The following FAM185A variants were observed in gnomAD, a reference collection of about 807,000 sequenced individuals.
FAM185A encodes the protein protein FAM185A.
FAM185A carries 21 observed loss-of-function variants against 45.7 expected under a neutral mutation model. That is an observed-to-expected ratio of 0.46 (90% CI 0.33 to 0.66). The LOEUF (loss-of-function observed/expected upper bound fraction) is 0.66. FAM185A is among the 30% of genes least tolerant of loss of function. FAM185A has a pLI of 0.03. For missense variants in FAM185A, 305 were observed against 485.4 expected, an observed-to-expected ratio of 0.63 and a Z score of 3.49; for synonymous variants, 117 against 194.0, an observed-to-expected ratio of 0.60 and a Z score of 3.30.
At chr7:102,835,650 C>A in the FAM185A span, among the ~76,000 whole-genome samples, 1 of 112,228 alleles carries the variant, frequency 8.9e-6, no homozygotes, top group Non-Finnish European at 1.6e-5. Flanking sequence ...CGCTCTGTCG[C>A]CCAGGCTGGA....
In FAM185A at chr7:102,758,409, G is replaced by A. The variant is rs187406024; in HGVS notation, c.654+463G>A. Among the ~76,000 whole-genome samples the A allele has an allele frequency of 2.9e-3, 350 of 122,346 alleles. 2 individuals carry two copies. The highest frequency in any genetic ancestry group is 4.2e-3 in the Non-Finnish European group (258 of 61,532). The allele number at this position is 122,346 out of a possible 152,430, so 80.3% of individuals were successfully genotyped here. A position where few individuals can be genotyped will look rare whatever the true frequency, so the allele number is the denominator to read the frequency against. On this transcript the variant is annotated intron_variant, in intron 3 of 7. Coordinates refer to ENST00000413034, the MANE Select transcript of FAM185A (RefSeq NM_001145268.2). Reference sequence around the variant, plus strand: ...TTCCACAAGGTGGCACCATTAGATAGCTTTACTGCTCTCACAGCTTTTTTT... The same window carrying A: ...TTCCACAAGGTGGCACCATTAGATAACTTTACTGCTCTCACAGCTTTTTTT...
intron 5 of FAM185A, among the ~76,000 whole-genome samples, chr7:102,775,912 G>A (rs1029893251): frequency 6.6e-6 from 1 of 151,964 alleles, no homozygotes; most frequent in African/African-American, 2.4e-5. Flanking sequence ...ATTTCCCAAC[G>A]TCAGTGTTAA....
intron 7 of FAM185A, among the ~76,000 whole-genome samples, chr7:102,797,228 C>T (rs1238528585): frequency 3.9e-5 from 6 of 152,268 alleles, no homozygotes; most frequent in African/African-American, 7.2e-5. Flanking sequence ...TTTGGGAGGC[C>T]GAGGCGGGCA....
At chr7:102,787,755 A>T (rs956779708) in intron 7 of FAM185A, among the ~76,000 whole-genome samples, 2 of 152,248 alleles carry the variant, frequency 1.3e-5, no homozygotes, top group East Asian at 1.9e-4. Flanking sequence ...GAACTTAAAA[A>T]TAAACTGAAT....
intron 7 of FAM185A, 105 bp downstream of exon 7, chr7:102,787,574 T>C: frequency 8.2e-7 from 1 of 1,225,240 alleles, no homozygotes; most frequent in East Asian, 2.9e-5. Context: ...TATTTTTCCA[T>C]TATTACGTCC....
chr7:102,823,531 T>G, the FAM185A span, among the ~76,000 whole-genome samples: 3 of 152,330 alleles, frequency 2.0e-5, no homozygotes, highest in African/African-American at 7.2e-5. Flanking sequence ...TATCACAGTT[T>G]TGCCCAGATG....
At chr7:102,815,142 A>G in the FAM185A span, among the ~76,000 whole-genome samples, 1 of 152,146 alleles carries the variant, frequency 6.6e-6, no homozygotes, top group East Asian at 1.9e-4. Context: ...CTATCAGTCT[A>G]AACATTATCC....
intron 5 of FAM185A, among the ~76,000 whole-genome samples, chr7:102,776,879 T>C (rs1795105207): frequency 6.6e-6 from 1 of 151,852 alleles, no homozygotes; most frequent in African/African-American, 2.4e-5. Flanking sequence ...TAGAATTCTT[T>C]GGTAATTATT....
chr7:102,834,822 G>A, the FAM185A span: 2 of 151,440 alleles, frequency 1.3e-5, no homozygotes, highest in Non-Finnish European at 2.9e-5. Context: ...ACCATAAAAA[G>A]TATCATAAGT....
At chr7:102,811,200 A>T (rs1006050205), downstream of FAM185A, among the ~76,000 whole-genome samples, 7 of 152,162 alleles carry the variant, frequency 4.6e-5, no homozygotes, top group South Asian at 4.1e-4. Context: ...CATAAGCATA[A>T]CAGCAGTCAA....
At position 102,752,273 on chromosome 7, in the gene FAM185A, A is replaced by ATT. The variant is rs202099768; in HGVS notation, c.561+488_561+489dup. Among the ~76,000 whole-genome samples, 196 of 140,960 alleles carry ATT rather than the reference A, an allele frequency of 1.4e-3. 2 individuals are homozygous for ATT. Among genetic ancestry groups the ATT allele is most frequent in the Middle Eastern group, 3.7e-3 (1 of 272 alleles). 92.5% of individuals were successfully genotyped at this position (140,960 alleles called of 152,430 possible). A position where few individuals can be genotyped will look rare whatever the true frequency, so the allele number is the denominator to read the frequency against. Reference sequence around the variant, plus strand: ...TGATTCATCTTGTTTTGTAATTAAAATTTTTTTTTTTTTTTTTGAGATGGA... The same window carrying ATT: ...TGATTCATCTTGTTTTGTAATTAAAATTTTTTTTTTTTTTTTTTTGAGATGGA... On this transcript the variant is annotated intron_variant, in intron 2 of 7. Coordinates refer to ENST00000413034, the MANE Select transcript of FAM185A (RefSeq NM_001145268.2).
chr7:102,827,140 G>A, the FAM185A span: 1 of 454,844 alleles, frequency 2.2e-6, no homozygotes. Context: ...AAGATGCCTT[G>A]CAGCTTCTAC....
intron 5 of FAM185A, among the ~76,000 whole-genome samples, chr7:102,776,048 CTT>C (rs1199815087): frequency 4.2e-5 from 5 of 119,062 alleles, no homozygotes; most frequent in Non-Finnish European, 8.8e-5. Context: ...AATTTACTCT[CTT>C]TGTTTGAAGT....
intron 1 of FAM185A, among the ~76,000 whole-genome samples, chr7:102,749,965 A>AT (rs1213044780): frequency 6.6e-6 from 1 of 152,070 alleles, no homozygotes; most frequent in African/African-American, 2.4e-5. Flanking sequence ...AAACTGGCTT[A>AT]TTTTTCAAGG....
chr7:102,799,302 G>T (rs1796631230), intron 7 of FAM185A, among the ~76,000 whole-genome samples: 1 of 152,078 alleles, frequency 6.6e-6, no homozygotes, highest in Admixed American at 6.5e-5. Context: ...AAGAGAAGAA[G>T]AGGGAAAAAG....
chr7:102,821,476 G>A, the FAM185A span, among the ~76,000 whole-genome samples: 1 of 152,172 alleles, frequency 6.6e-6, no homozygotes, highest in Non-Finnish European at 1.5e-5. Context: ...AATTAAGAAA[G>A]TTCCTCTGTG....
chr7:102,762,459 T>G (rs1019014743), intron 4 of FAM185A, among the ~76,000 whole-genome samples: 1 of 152,164 alleles, frequency 6.6e-6, no homozygotes, highest in Non-Finnish European at 1.5e-5. Flanking sequence ...AAACATCTGC[T>G]AAATGCCTTT....
intron 7 of FAM185A, among the ~76,000 whole-genome samples, chr7:102,804,089 G>A (rs1796957969): frequency 6.6e-6 from 1 of 152,114 alleles, no homozygotes; most frequent in South Asian, 2.1e-4. Flanking sequence ...AATCAATATT[G>A]TGAAAATGAC....
At chr7:102,847,094 A>G in the FAM185A span, among the ~76,000 whole-genome samples, 3 of 152,190 alleles carry the variant, frequency 2.0e-5, no homozygotes, top group South Asian at 4.1e-4. Context: ...ATTTATTTAC[A>G]TATTGTCTAT....
Sources: allele counts gnomAD v4.1 joint callset (sites outside exome capture counted in the v4.1 genomes callset), GRCh38; gene constraint gnomAD v4.1.1; transcripts MANE v1.5; gene names NCBI Gene and HGNC (gene_info 2026-07-23, HGNC 2026-07-21).